CALML4: variants seen among roughly 807,000 people sequenced by gnomAD.
The protein encoded by CALML4 is calmodulin like 4.
In CALML4, 16 loss-of-function variants were observed where a neutral mutation model predicts 17.9. The ratio of observed to expected loss-of-function variants is 0.89; its 90% CI spans 0.61 to 1.36. CALML4 has a LOEUF of 1.36. Ranked by LOEUF, CALML4 falls within the 40% of genes most tolerant of loss-of-function variation. The pLI, the probability that CALML4 is intolerant of heterozygous loss-of-function variation, is 0.00. For synonymous variants in CALML4, 86 were observed against 71.5 expected (o/e 1.20, Z -1.02); for missense variants, 203 against 194.8 (o/e 1.04, Z -0.25).
intron 2 of CALML4, among the ~76,000 whole-genome samples, chr15:68,202,739 G>A (rs2093169316): frequency 6.7e-6 from 1 of 148,584 alleles, no homozygotes; most frequent in Admixed American, 6.7e-5. Flanking sequence ...CACCTCCCAG[G>A]TTCAAGTGAT....
chr15:68,200,558 G>A lies in CALML4; in HGVS notation c.35-877C>T, dbSNP rs1017943445. ...AGCTGGGAGTTCAGGAAAAGTCCCT[G>A]AACCGCACTGACTGAGCATCTGATT... On this transcript the variant is annotated intron_variant, in intron 2 of 4. Transcript: ENST00000467889. The surrounding 1 kb of genome is among the most constrained non-coding windows in gnomAD (Gnocchi z 4.3). 6.6e-6 allele frequency among the ~76,000 whole-genome samples: 1 copy of A among 152,220 alleles called. No individual in the cohort carries two copies. Among genetic ancestry groups the A allele is most frequent in the Non-Finnish European group, 1.5e-5 (1 of 68,040 alleles).
chr15:68,196,043 C>A (rs2032145447), intron 4 of CALML4, among the ~76,000 whole-genome samples: 1 of 152,102 alleles, frequency 6.6e-6, no homozygotes, highest in South Asian at 2.1e-4. Flanking sequence ...ACCCAGCCTG[C>A]TGTTGGGCGA....
intron 4 of CALML4, among the ~76,000 whole-genome samples, chr15:68,196,925 G>A (rs2093146701): frequency 6.6e-6 from 1 of 152,180 alleles, no homozygotes; most frequent in African/African-American, 2.4e-5. Context: ...AGCCTGAGTT[G>A]GAAAGGGAGC....
intron 2 of CALML4, among the ~76,000 whole-genome samples, chr15:68,203,385 CT>C (rs1419488464): frequency 1.3e-5 from 2 of 152,336 alleles, no homozygotes; most frequent in East Asian, 3.9e-4. Flanking sequence ...ATGTGATCTA[CT>C]GTTAAACTAT....
chr15:68,203,979 T>C (rs2093173782), intron 2 of CALML4, among the ~76,000 whole-genome samples: 1 of 152,200 alleles, frequency 6.6e-6, no homozygotes, highest in African/African-American at 2.4e-5. Flanking sequence ...GGGAGGATGC[T>C]GAGGCTGAAG....
In CALML4 at chr15:68,197,758, G is replaced by A. The variant is rs1567089960; in HGVS notation, c.176-130C>T. 1 of 778,198 alleles carries A rather than the reference G, an allele frequency of 1.3e-6. No individual in the cohort carries two copies. The highest frequency in any genetic ancestry group is 2.7e-5 in the East Asian group (1 of 37,670). 48.2% of individuals were successfully genotyped at this position (778,198 alleles called of 1,614,324 possible). On this transcript the variant is annotated intron_variant, in intron 3 of 4. Transcript: ENST00000467889. This position sits in a 1 kb window ranked among gnomAD's most constrained non-coding sequence, Gnocchi z 4.1. ...CAGGGAATGCCAGGATGTGGCAGTGGTCACAGTGAAGAGGATGCATCCCCT... is the reference window on the plus strand; with the variant it reads ...CAGGGAATGCCAGGATGTGGCAGTGATCACAGTGAAGAGGATGCATCCCCT...
rs924754874 is a variant in CALML4, at chr15:68,197,715, G to A, written c.176-87C>T. 55 of 1,238,262 alleles carry A rather than the reference G, an allele frequency of 4.4e-5. No homozygotes were observed. In the South Asian group the frequency reaches 5.6e-4, roughly 13 times the overall value. 76.7% of individuals were successfully genotyped at this position (1,238,262 alleles called of 1,614,324 possible). ...GGCCTCCTGCTGGACCTGCACAGCC[G>A]GTTCAAGGTCAACTGACCAGGGAAT... On this transcript the variant is annotated intron_variant, in intron 3 of 4. Coordinates refer to ENST00000467889, the MANE Select transcript of CALML4 (RefSeq NM_033429.3). The surrounding 1 kb of genome is among the most constrained non-coding windows in gnomAD (Gnocchi z 4.1).
chr15:68,197,686 A>T lies in CALML4; in HGVS notation c.176-58T>A. 6.5e-7 allele frequency: 1 copy of T among 1,541,922 alleles called. No individual in the cohort carries two copies. Among genetic ancestry groups the T allele is most frequent in the Non-Finnish European group, 8.9e-7 (1 of 1,129,686 alleles). ...GAGGGAAAAAGACTCCTAGGAAGCC[A>T]GCTGGCCTCCTGCTGGACCTGCACA... On this transcript the variant is annotated intron_variant, in intron 3 of 4. Transcript: ENST00000467889. This position sits in a 1 kb window ranked among gnomAD's most constrained non-coding sequence, Gnocchi z 4.1.
intron 2 of CALML4, among the ~76,000 whole-genome samples, chr15:68,202,626 C>T (rs1365316971): frequency 6.8e-6 from 1 of 147,610 alleles, no homozygotes; most frequent in Non-Finnish European, 1.5e-5. Context: ...TTGATTACCA[C>T]AAATGAGTTT....
chr15:68,205,327 A>T lies in CALML4; in HGVS notation c.-80T>A. The T allele has an allele frequency of 6.2e-7, 1 of 1,614,052 alleles. No homozygotes were observed. Among genetic ancestry groups the T allele is most frequent in the Non-Finnish European group, 8.5e-7 (1 of 1,180,012 alleles). Reference sequence around the variant, plus strand: ...TCCCTTTCCTCCAGCCTCAAGTCTAAAGTCTGCCAAGCTGGGTGGAGGCCC... The same window carrying T: ...TCCCTTTCCTCCAGCCTCAAGTCTATAGTCTGCCAAGCTGGGTGGAGGCCC... On this transcript the variant is annotated 5_prime_UTR_variant, in exon 1 of 5. Coordinates refer to ENST00000467889, the MANE Select transcript of CALML4 (RefSeq NM_033429.3). This position sits in a 1 kb window ranked among gnomAD's most constrained non-coding sequence, Gnocchi z 4.8.
In CALML4 at chr15:68,197,411, C is replaced by A. The variant is rs1488393535; in HGVS notation, c.364+29G>T. On this transcript the variant is annotated intron_variant, in intron 4 of 4. Transcript: ENST00000467889. The surrounding 1 kb of genome is among the most constrained non-coding windows in gnomAD (Gnocchi z 4.1). ...CTTCCAACTCCCTAACCCCCTCCAA[C>A]TGTTGGGAGACAGGACCCAGGCTGT... is the stretch of plus-strand genomic sequence containing the variant. 2 of 1,604,818 alleles carry A rather than the reference C, an allele frequency of 1.2e-6. No individual in the cohort carries two copies. Among genetic ancestry groups the A allele is most frequent in the Non-Finnish European group, 8.5e-7 (1 of 1,175,032 alleles).
rs1312214006 is a variant in CALML4, at chr15:68,193,453, C to G, written c.*562G>C. 6.5e-6 allele frequency: 1 copy of G among 152,696 alleles called. No individual in the cohort carries two copies. Among genetic ancestry groups the G allele is most frequent in the Non-Finnish European group, 1.5e-5 (1 of 68,388 alleles). The allele number at this position is 152,696 out of a possible 1,614,324, so 9.5% of individuals were successfully genotyped here. ...TGGAAATGAGAATTTGTAAATGGGCCTCTGGCACTGCAAGAATTGTTGTCA... is the reference window on the plus strand; with the variant it reads ...TGGAAATGAGAATTTGTAAATGGGCGTCTGGCACTGCAAGAATTGTTGTCA... On this transcript the variant is annotated 3_prime_UTR_variant, in exon 5 of 5. Coordinates refer to ENST00000467889, the MANE Select transcript of CALML4 (RefSeq NM_033429.3).
At position 68,204,398 on chromosome 15, in the gene CALML4, A is replaced by G. The variant is rs1392849463; in HGVS notation, c.34+723T>C. Among the ~76,000 whole-genome samples the G allele has an allele frequency of 6.6e-6, 1 of 152,188 alleles. No homozygotes were observed. The highest frequency in any genetic ancestry group is 1.5e-5 in the Non-Finnish European group (1 of 68,032). ...GCCCATTGACGTCCACTGTTGGGAC[A>G]GGTTTCAGGGTCACAACCTCAAGCA... On this transcript the variant is annotated intron_variant, in intron 2 of 4. Coordinates refer to ENST00000467889, the MANE Select transcript of CALML4 (RefSeq NM_033429.3). The surrounding 1 kb of genome is among the most constrained non-coding windows in gnomAD (Gnocchi z 6.0).
At chr15:68,198,914 C>G (rs568237484) in intron 3 of CALML4, among the ~76,000 whole-genome samples, 135 of 152,282 alleles carry the variant, frequency 8.9e-4, no homozygotes, top group Non-Finnish European at 1.6e-3. Flanking sequence ...CTAACCCCAG[C>G]ACTTTGGGAG....
intron 4 of CALML4, among the ~76,000 whole-genome samples, chr15:68,195,625 G>A (rs565659468): frequency 2.2e-4 from 34 of 152,268 alleles, no homozygotes; most frequent in African/African-American, 8.2e-4. Context: ...CCCATCCCAG[G>A]CCTCAGGAGA....
Position 68,197,743 on chromosome 15 carries a change from C to T in CALML4, c.176-115G>A. On this transcript the variant is annotated intron_variant, in intron 3 of 4. Transcript: ENST00000467889. The surrounding 1 kb of genome is among the most constrained non-coding windows in gnomAD (Gnocchi z 4.1). The stretch of plus-strand genomic sequence containing the variant: ...TCAAGGTCAACTGACCAGGGAATGC[C>T]AGGATGTGGCAGTGGTCACAGTGAA... The T allele has an allele frequency of 1.1e-6, 1 of 874,610 alleles. No individual in the cohort carries two copies. The highest frequency in any genetic ancestry group is 2.3e-4 in the Middle Eastern group (1 of 4,278). The allele number at this position is 874,610 out of a possible 1,614,324, so 54.2% of individuals were successfully genotyped here.
chr15:68,197,413 GT>G lies in CALML4; in HGVS notation c.364+26del. ...TCCAACTCCCTAACCCCCTCCAACTGTTGGGAGACAGGACCCAGGCTGTTAC... is the reference window on the plus strand; with the variant it reads ...TCCAACTCCCTAACCCCCTCCAACTGTGGGAGACAGGACCCAGGCTGTTAC... On this transcript the variant is annotated intron_variant, in intron 4 of 4. Transcript: ENST00000467889. The surrounding 1 kb of genome is among the most constrained non-coding windows in gnomAD (Gnocchi z 4.1). 6.2e-7 allele frequency: 1 copy of G among 1,606,278 alleles called. No individual in the cohort carries two copies. The highest frequency in any genetic ancestry group is 1.1e-5 in the South Asian group (1 of 89,926).
chr15:68,204,360 G>A lies in CALML4; in HGVS notation c.34+761C>T, dbSNP rs1423512774. Among the ~76,000 whole-genome samples the A allele has an allele frequency of 2.6e-5, 4 of 152,138 alleles. No individual in the cohort carries two copies. Among genetic ancestry groups the A allele is most frequent in the Non-Finnish European group, 5.9e-5 (4 of 68,030 alleles). On this transcript the variant is annotated intron_variant, in intron 2 of 4. Transcript: ENST00000467889. This position sits in a 1 kb window ranked among gnomAD's most constrained non-coding sequence, Gnocchi z 6.0. ...AAGACCTGGAGGAATGGGATGCCTC[G>A]GGGGACTCTCAGGCCCATTGACGTC...
intron 2 of CALML4, 109 bp from the exon 3 acceptor site, chr15:68,199,790 C>T (rs930020676): frequency 1.7e-6 from 2 of 1,198,504 alleles, no homozygotes; most frequent in African/African-American, 3.0e-5. Context: ...TTTGCCTACT[C>T]CCTCCATCCC....
Sources: gnomAD v4.1 joint callset for allele counts (sites outside exome capture counted in the v4.1 genomes callset) on GRCh38, gnomAD v4.1.1 for gene constraint, Gnocchi (gnomAD v3.1) non-coding constraint, MANE v1.5 for transcripts, NCBI Gene and HGNC (gene_info 2026-07-23, HGNC 2026-07-21) for gene names.